Variants in PCDH9 observed in about 807,000 individuals in gnomAD.
PCDH9 encodes protocadherin 9.
A neutral mutation model predicts 70.6 loss-of-function variants in PCDH9; 24 were observed. The observed-to-expected ratio is 0.34, with a 90% CI of 0.25 to 0.48. The LOEUF (loss-of-function observed/expected upper bound fraction) is 0.48, where lower values mean the gene tolerates loss of function less well. PCDH9 is among the 20% of genes least tolerant of loss of function. PCDH9 has a pLI of 0.99. For synonymous variants in PCDH9, 562 were observed against 558.5 expected (o/e 1.01, Z -0.09); for missense variants, 1,281 against 1,503.6 (o/e 0.85, Z 2.45).
At chr13:67,014,637 C>T (rs1426391933) in intron 2 of PCDH9, among the ~76,000 whole-genome samples, 1 of 152,070 alleles carries the variant, frequency 6.6e-6, no homozygotes, top group Non-Finnish European at 1.5e-5. Context: ...ATAGCCAATC[C>T]TTCAGCAGGT....
intron 3 of PCDH9, among the ~76,000 whole-genome samples, chr13:66,748,199 T>C (rs1485315685): frequency 6.6e-6 from 1 of 152,216 alleles, no homozygotes; most frequent in Non-Finnish European, 1.5e-5. Context: ...TTTAAACTAC[T>C]GTTAGGAATA....
intron 2 of PCDH9, among the ~76,000 whole-genome samples, chr13:67,113,603 G>GTGA (rs2086699815): frequency 1.3e-5 from 2 of 151,442 alleles, no homozygotes; most frequent in Non-Finnish European, 2.9e-5. Flanking sequence ...GCTGGAGTGC[G>GTGA]GTGGCGCCAT....
intron 2 of PCDH9, among the ~76,000 whole-genome samples, chr13:66,987,242 A>G (rs957717347): frequency 6.6e-6 from 1 of 152,002 alleles, no homozygotes. Flanking sequence ...GAAGCATTCA[A>G]AATAGAGTTA....
At chr13:66,870,691 C>T (rs1010695619) in intron 3 of PCDH9, among the ~76,000 whole-genome samples, 7 of 152,192 alleles carry the variant, frequency 4.6e-5, no homozygotes, top group African/African-American at 1.7e-4. Flanking sequence ...CAGTGAGATA[C>T]CATCTCACAC....
intron 2 of PCDH9, among the ~76,000 whole-genome samples, chr13:67,021,847 A>G (rs1365987925): frequency 2.0e-5 from 3 of 152,090 alleles, no homozygotes; most frequent in African/African-American, 4.8e-5. Context: ...GGCATGAGCC[A>G]CCATGCCTGG....
At chr13:66,441,980 G>C (rs1203474363) in intron 4 of PCDH9, among the ~76,000 whole-genome samples, 1 of 152,126 alleles carries the variant, frequency 6.6e-6, no homozygotes, top group Non-Finnish European at 1.5e-5. Flanking sequence ...CATTACTCCA[G>C]AGGAATAATC....
chr13:67,091,157 A>G (rs140787345), intron 2 of PCDH9, among the ~76,000 whole-genome samples: 380 of 152,240 alleles, frequency 2.5e-3, no homozygotes, highest in Middle Eastern at 0.017. Context: ...AATTTATAAC[A>G]TGTTTGAACT....
intron 4 of PCDH9, among the ~76,000 whole-genome samples, chr13:66,534,219 T>C (rs1224097231): frequency 2.7e-5 from 4 of 148,670 alleles, no homozygotes; most frequent in African/African-American, 9.8e-5. Flanking sequence ...GTCAGAAGAA[T>C]GTGAAAACTC....
Position 67,226,350 on chromosome 13 carries a change from T to C in PCDH9, c.2091A>G (p.Val697=). 6.2e-7 allele frequency: 1 copy of C among 1,614,160 alleles called. No homozygotes were observed. Among genetic ancestry groups the C allele is most frequent in the Non-Finnish European group, 8.5e-7 (1 of 1,180,016 alleles). ...CAACATCCACTGCAAAAACTTCTGC[T>C]ACCACGGAGCCAGGAATGGCTGAGA... ...VPLSAIPGSV[V]AEVFAVDVDT... Residue 697 remains valine (V), a synonymous_variant, in exon 2 of 5, where the codon GTA becomes GTG. Transcript: ENST00000377865. The surrounding 1 kb of genome is among the most constrained non-coding windows in gnomAD (Gnocchi z 5.0).
chr13:67,163,718 C>T (rs1016865482), intron 2 of PCDH9, among the ~76,000 whole-genome samples: 7 of 152,120 alleles, frequency 4.6e-5, no homozygotes, highest in East Asian at 1.9e-4. Context: ...CAGAGATATG[C>T]GATCACTTGT....
rs148048573 is a variant in PCDH9 at position 67,010,621 on chromosome 13, C to T, written c.3037-107016G>A. Reference sequence around the variant, plus strand: ...TAGGATCTTCTATTACTAGTTTATTCTGTTCTATTTGCCATACTCTTTTCC... The same window carrying T: ...TAGGATCTTCTATTACTAGTTTATTTTGTTCTATTTGCCATACTCTTTTCC... On this transcript the variant is annotated intron_variant, in intron 2 of 4. Transcript: ENST00000377865. Among the ~76,000 whole-genome samples the T allele has an allele frequency of 5.9e-5, 9 of 152,030 alleles. No individual in the cohort carries two copies. In the East Asian group the frequency reaches 1.5e-3, roughly 26 times the overall value.
intron 3 of PCDH9, among the ~76,000 whole-genome samples, chr13:66,677,917 G>A (rs2078266914): frequency 6.6e-6 from 1 of 152,058 alleles, no homozygotes; most frequent in Admixed American, 6.6e-5. Context: ...TTAATATTCT[G>A]CTTCAGTGAT....
chr13:66,833,085 T>C (rs2080956517), intron 3 of PCDH9, among the ~76,000 whole-genome samples: 1 of 152,164 alleles, frequency 6.6e-6, no homozygotes, highest in Non-Finnish European at 1.5e-5. Context: ...TACTCTACCA[T>C]GTGGTCTCGT....
At chr13:66,956,844 C>A (rs1280498154) in intron 2 of PCDH9, among the ~76,000 whole-genome samples, 1 of 152,082 alleles carries the variant, frequency 6.6e-6, no homozygotes, top group African/African-American at 2.4e-5. Context: ...CGCACTCCAC[C>A]CACTTCTTCC....
chr13:66,603,139 A>G lies in PCDH9; in HGVS notation c.3340+28071T>C, dbSNP rs563989438. Among the ~76,000 whole-genome samples, 5 of 146,010 alleles carry G rather than the reference A, an allele frequency of 3.4e-5. 1 individual carries two copies. Among genetic ancestry groups the G allele is most frequent in the Non-Finnish European group, 7.7e-5 (5 of 64,890 alleles). On this transcript the variant is annotated intron_variant, in intron 4 of 4. Coordinates refer to ENST00000377865, the MANE Select transcript of PCDH9 (RefSeq NM_203487.3). The stretch of plus-strand genomic sequence containing the variant: ...CTATACTCTGGAGCATATTCAAGAA[A>G]GTAAGTCCTATGAGTTTGAAAAGAA...
chr13:66,659,657 C>T (rs2077981221), intron 3 of PCDH9, among the ~76,000 whole-genome samples: 2 of 151,428 alleles, frequency 1.3e-5, no homozygotes, highest in Admixed American at 1.3e-4. Context: ...CTGCATCTTC[C>T]CTGAAAGACT....
intron 2 of PCDH9, among the ~76,000 whole-genome samples, chr13:66,918,071 G>A: frequency 6.6e-6 from 1 of 151,358 alleles, no homozygotes; most frequent in East Asian, 1.9e-4. Flanking sequence ...AAGAGGAAAT[G>A]AAGAGGGTCT....
chr13:66,990,537 A>C (rs2083980734), intron 2 of PCDH9, among the ~76,000 whole-genome samples: 1 of 142,796 alleles, frequency 7.0e-6, no homozygotes. Flanking sequence ...GTATATACTC[A>C]TATATACAGA....
chr13:66,428,210 A>G (rs1239103755), intron 4 of PCDH9, among the ~76,000 whole-genome samples: 1 of 151,742 alleles, frequency 6.6e-6, no homozygotes, highest in Non-Finnish European at 1.5e-5. Context: ...CACCTGACTT[A>G]GTTCTACATA....
Sources: allele counts gnomAD v4.1 joint callset (sites outside exome capture counted in the v4.1 genomes callset), GRCh38; gene constraint gnomAD v4.1.1; non-coding constraint Gnocchi (gnomAD v3.1); transcripts MANE v1.5; gene names NCBI Gene and HGNC (gene_info 2026-07-23, HGNC 2026-07-21).